Variants in ANXA4 observed in about 807,000 individuals in gnomAD.
The protein encoded by ANXA4 is 35-beta calcimedin.
In ANXA4, 39 loss-of-function variants were observed where a neutral mutation model predicts 49.8. The ratio of observed to expected loss-of-function variants is 0.78; its 90% CI spans 0.61 to 1.02. The LOEUF (loss-of-function observed/expected upper bound fraction) is 1.02. Among genes scored for constraint, ANXA4 ranks in the 50% least tolerant of loss-of-function variants. The pLI is 0.00. For synonymous variants in ANXA4, 134 were observed against 152.5 expected (o/e 0.88, Z 0.89); for missense variants, 360 against 410.1 (o/e 0.88, Z 1.05).
intron 2 of ANXA4, among the ~76,000 whole-genome samples, chr2:69,659,253 CA>C (rs1676622638): frequency 6.6e-6 from 1 of 152,148 alleles, no homozygotes; most frequent in Non-Finnish European, 1.5e-5. Context: ...TTAGTAAAGA[CA>C]AGACGAAAGT....
intron 1 of ANXA4, among the ~76,000 whole-genome samples, chr2:69,756,946 TA>T (rs1671060928): frequency 6.7e-6 from 1 of 149,728 alleles, no homozygotes; most frequent in South Asian, 2.1e-4. Flanking sequence ...TTTTTTTTTT[TA>T]GACAGAGTCT....
chr2:69,777,838 C>T (rs1234073659), intron 1 of ANXA4, among the ~76,000 whole-genome samples: 2 of 152,200 alleles, frequency 1.3e-5, no homozygotes, highest in Admixed American at 1.3e-4. Context: ...CAGCTTCTTC[C>T]TGGTAACCTG....
chr2:69,654,980 A>G (rs2105310148), intron 2 of ANXA4, among the ~76,000 whole-genome samples: 1 of 152,338 alleles, frequency 6.6e-6, no homozygotes, highest in South Asian at 2.1e-4. Context: ...CCATATGCAG[A>G]AAACAGAAAC....
intron 1 of ANXA4, among the ~76,000 whole-genome samples, chr2:69,771,109 GAAAA>G (rs70954358): frequency 6.7e-5 from 7 of 104,754 alleles, no homozygotes; most frequent in South Asian, 6.0e-4. Flanking sequence ...AAAAAAAAAA[GAAAA>G]AAAAAAAAAA....
At chr2:69,819,434 A>C in intron 11 of ANXA4, 96 bp downstream of exon 11, 1 of 865,648 alleles carries the variant, frequency 1.2e-6, no homozygotes, top group Non-Finnish European at 1.8e-6. Flanking sequence ...CTTTGCTCTG[A>C]AAGATCCAAT....
chr2:69,732,044 G>A (rs529333615), intron 3 of ANXA4, among the ~76,000 whole-genome samples: 22 of 136,376 alleles, frequency 1.6e-4, no homozygotes, highest in Non-Finnish European at 2.5e-4. Context: ...GCAGTGGCAC[G>A]ATCTCGACTC....
chr2:69,713,501 G>C (rs1425399098), intron 2 of ANXA4: 1 of 152,204 alleles, frequency 6.6e-6, no homozygotes. Flanking sequence ...TTCTACCATA[G>C]CTGCTTCCAA....
intron 1 of ANXA4, among the ~76,000 whole-genome samples, chr2:69,652,687 C>T (rs868118790): frequency 1.3e-5 from 2 of 151,896 alleles, no homozygotes; most frequent in African/African-American, 4.8e-5. Flanking sequence ...AGCGAAAACC[C>T]GTCTCTACTA....
chr2:69,645,804 CCA>C (rs772124231), intron 1 of ANXA4, among the ~76,000 whole-genome samples: 1 of 152,166 alleles, frequency 6.6e-6, no homozygotes, highest in African/African-American at 2.4e-5. Context: ...AATGACAAAT[CCA>C]CAGTTTTTCA....
chr2:69,825,501 G>T lies in ANXA4; in HGVS notation c.952G>T (p.Gly318Ter), dbSNP rs1674436153. 6.2e-7 allele frequency: 1 copy of T among 1,607,392 alleles called. No individual in the cohort carries two copies. The highest frequency in any genetic ancestry group is 1.1e-5 in the South Asian group (1 of 90,012). The change falls in exon 13 of 13, where the codon GGA (glycine) becomes TGA (stop). Residue 318 changes from glycine to a stop codon, truncating the protein, a stop_gained. Transcript: ENST00000394295. LOFTEE classifies it high-confidence loss of function. ...DYRKVLLVLC[G>*]GDD Reference sequence around the variant, plus strand: ...CAGGAAAGTACTGCTTGTTCTCTGTGGAGGAGATGATTAAAATAAAAATCC... The same window carrying T: ...CAGGAAAGTACTGCTTGTTCTCTGTTGAGGAGATGATTAAAATAAAAATCC...
At chr2:69,656,493 C>T (rs1283033256) in intron 2 of ANXA4, among the ~76,000 whole-genome samples, 1 of 145,952 alleles carries the variant, frequency 6.9e-6, no homozygotes, top group Admixed American at 6.9e-5. Context: ...GACCCCAGTT[C>T]ATTAGAAACT....
At chr2:69,815,943 A>C in intron 8 of ANXA4, 158 bp from the exon 9 acceptor site, 17 of 595,660 alleles carry the variant, frequency 2.9e-5, no homozygotes, top group East Asian at 5.9e-5. Flanking sequence ...TGCCTGAGGA[A>C]GGATCCTGAG....
chr2:69,759,863 G>C (rs1671203209), intron 1 of ANXA4, among the ~76,000 whole-genome samples: 1 of 152,072 alleles, frequency 6.6e-6, no homozygotes, highest in Non-Finnish European at 1.5e-5. Flanking sequence ...GACGGAGTCT[G>C]GCTCTATCGC....
chr2:69,718,643 T>C (rs1669717949), intron 2 of ANXA4, among the ~76,000 whole-genome samples: 1 of 152,160 alleles, frequency 6.6e-6, no homozygotes, highest in African/African-American at 2.4e-5. Context: ...ACCAGCCCTA[T>C]CCACAGCACA....
chr2:69,817,167 A>G (rs1224966767), intron 9 of ANXA4: 3 of 152,222 alleles, frequency 2.0e-5, no homozygotes, highest in Non-Finnish European at 2.9e-5. Flanking sequence ...GGTCCTCAGA[A>G]GCCGATTTAG....
chr2:69,824,838 CAGATCATG>C (rs543565415), intron 12 of ANXA4, among the ~76,000 whole-genome samples: 179 of 152,060 alleles, frequency 1.2e-3, no homozygotes, highest in African/African-American at 4.2e-3. Context: ...CCAAGGCTGG[CAGATCATG>C]AGATCAGGAG....
In ANXA4 at chr2:69,819,258, CTTCT is replaced by C. The variant is rs1165446240; in HGVS notation, c.725-19_725-16del. The C allele has an allele frequency of 6.4e-7, 1 of 1,561,042 alleles. No individual in the cohort carries two copies. The highest frequency in any genetic ancestry group is 8.7e-7 in the Non-Finnish European group (1 of 1,145,136). ...GGTCTTATCTGTAATCTTTTCATTT[CTTCT>C]TTTTTTTTCTTTGACAGTAAAGTGC... On this transcript the variant is annotated intron_variant, in intron 10 of 12. Coordinates refer to ENST00000394295, the MANE Select transcript of ANXA4 (RefSeq NM_001153.5).
At position 69,765,930 on chromosome 2, in the gene ANXA4, C is replaced by A. The variant is rs541569122; in HGVS notation, c.-46-15590C>A. ...GCCAGTCCTATGGCTTCGGGGGCAG[C>A]CAGTTCAATTAATCAGCAGGCATTT... is the stretch of plus-strand genomic sequence containing the variant. On this transcript the variant is annotated intron_variant, in intron 1 of 12. Transcript: ENST00000394295. Among the ~76,000 whole-genome samples the A allele has an allele frequency of 7.2e-5, 11 of 152,272 alleles. No homozygotes were observed. The East Asian group carries it at 2.1e-3, about 29-fold the overall frequency.
intron 1 of ANXA4, among the ~76,000 whole-genome samples, chr2:69,777,328 A>C (rs377655479): frequency 6.6e-5 from 10 of 152,168 alleles, no homozygotes; most frequent in Middle Eastern, 3.2e-3. Flanking sequence ...CTGAGGTGAG[A>C]GGTTGGGCTG....
Sources: gnomAD v4.1 joint callset for allele counts (sites outside exome capture counted in the v4.1 genomes callset) on GRCh38, gnomAD v4.1.1 for gene constraint, MANE v1.5 for transcripts, NCBI Gene and HGNC (gene_info 2026-07-23, HGNC 2026-07-21) for gene names.